Variants in PRKN observed in about 807,000 individuals in gnomAD.
PRKN encodes the protein E3 ubiquitin-protein ligase parkin.
PRKN carries 56 observed loss-of-function variants against 59.5 expected under a neutral mutation model. That is an observed-to-expected ratio of 0.94 (90% CI 0.76 to 1.18). PRKN has a LOEUF of 1.18. PRKN is among the 50% of genes most tolerant of loss of function. The pLI, the probability that PRKN is intolerant of heterozygous loss-of-function variation, is 0.00. For missense variants in PRKN, 657 were observed against 596.4 expected, an observed-to-expected ratio of 1.10 and a Z score of -1.06; for synonymous variants, 250 against 222.1, an observed-to-expected ratio of 1.13 and a Z score of -1.12.
At chr6:162,070,764 C>T (rs1778541082) in intron 4 of PRKN, among the ~76,000 whole-genome samples, 1 of 152,152 alleles carries the variant, frequency 6.6e-6, no homozygotes, top group African/African-American at 2.4e-5. Context: ...AGAGTTCTTG[C>T]TCCTAGGAGA....
intron 4 of PRKN, among the ~76,000 whole-genome samples, chr6:162,090,676 A>C (rs1465839327): frequency 6.6e-6 from 1 of 152,252 alleles, no homozygotes; most frequent in African/African-American, 2.4e-5. Flanking sequence ...ATTTTGACTA[A>C]AGAGCCGTGA....
At chr6:162,498,826 GA>G (rs2128187293) in intron 1 of PRKN, among the ~76,000 whole-genome samples, 1 of 140,834 alleles carries the variant, frequency 7.1e-6, no homozygotes, top group South Asian at 2.3e-4. Flanking sequence ...AGGTTTATGA[GA>G]ATTGGACAGT....
chr6:162,297,749 T>C (rs1434814138), intron 2 of PRKN, among the ~76,000 whole-genome samples: 1 of 152,134 alleles, frequency 6.6e-6, no homozygotes, highest in Non-Finnish European at 1.5e-5. Flanking sequence ...ATAAATTTCC[T>C]TGAATCATCT....
At chr6:162,566,917 G>A (rs1358793893) in intron 1 of PRKN, among the ~76,000 whole-genome samples, 2 of 151,902 alleles carry the variant, frequency 1.3e-5, no homozygotes, top group Non-Finnish European at 2.9e-5. Context: ...CATTACATCA[G>A]AAAGTGGGAT....
At chr6:162,568,091 C>G (rs1326995084) in intron 1 of PRKN, among the ~76,000 whole-genome samples, 1 of 152,140 alleles carries the variant, frequency 6.6e-6, no homozygotes, top group Non-Finnish European at 1.5e-5. Context: ...ACTTCTATCT[C>G]TCACCATATA....
intron 2 of PRKN, among the ~76,000 whole-genome samples, chr6:162,292,395 C>T (rs9458499): frequency 0.34 from 51,335 of 151,744 alleles, 9,693 homozygotes; most frequent in African/African-American, 0.49. Flanking sequence ...TTGTCATTAC[C>T]CTTTTGTACC....
rs1043055300 is a variant in PRKN at position 161,582,587 on chromosome 6, T to C, written c.872-13171A>G. Among the ~76,000 whole-genome samples the C allele has an allele frequency of 6.6e-6, 1 of 151,960 alleles. No individual in the cohort carries two copies. The highest frequency in any genetic ancestry group is 1.5e-5 in the Non-Finnish European group (1 of 67,996). On this transcript the variant is annotated intron_variant, in intron 7 of 11. Transcript: ENST00000366898. This position sits in a 1 kb window ranked among gnomAD's most constrained non-coding sequence, Gnocchi z 4.4. ...GACTACAGGCGCCTGCCACCTCGCC[T>C]GGCTAATTGTTTTGTAGTTTTAGTA...
At chr6:162,396,459 G>C (rs1000662546) in intron 2 of PRKN, among the ~76,000 whole-genome samples, 1 of 152,020 alleles carries the variant, frequency 6.6e-6, no homozygotes, top group African/African-American at 2.4e-5. Context: ...TTCCCAGCCA[G>C]AGCATAAGAC....
At chr6:162,714,023 C>T (rs1003231391) in intron 1 of PRKN, among the ~76,000 whole-genome samples, 2 of 152,170 alleles carry the variant, frequency 1.3e-5, no homozygotes, top group African/African-American at 4.8e-5. Flanking sequence ...TTCAGAACAG[C>T]CACCATCAGG....
intron 3 of PRKN, among the ~76,000 whole-genome samples, chr6:162,230,463 A>C (rs950880330): frequency 6.6e-6 from 1 of 152,196 alleles, no homozygotes; most frequent in Non-Finnish European, 1.5e-5. Context: ...GTGAAGAGGA[A>C]GGCACTCAGC....
At chr6:162,412,511 A>G (rs1370024208) in intron 2 of PRKN, among the ~76,000 whole-genome samples, 2 of 152,000 alleles carry the variant, frequency 1.3e-5, no homozygotes, top group African/African-American at 4.8e-5. Context: ...AGGGCTACTT[A>G]ACTAACTTAT....
chr6:161,844,472 C>G (rs1793116903), intron 6 of PRKN, among the ~76,000 whole-genome samples: 1 of 152,192 alleles, frequency 6.6e-6, no homozygotes, highest in Non-Finnish European at 1.5e-5. Context: ...CGGAGCTGGA[C>G]GGTTGGACTT....
chr6:161,676,089 C>T (rs949932742), intron 7 of PRKN, among the ~76,000 whole-genome samples: 2 of 152,184 alleles, frequency 1.3e-5, no homozygotes, highest in African/African-American at 4.8e-5. Context: ...TAAACAATTC[C>T]TGTCCTCTCT....
chr6:162,297,869 T>C (rs1021284306), intron 2 of PRKN, among the ~76,000 whole-genome samples: 1 of 152,136 alleles, frequency 6.6e-6, no homozygotes, highest in Admixed American at 6.5e-5. Flanking sequence ...CTAAAAATCA[T>C]ACTCTCAACA....
At position 161,361,467 on chromosome 6, in the gene PRKN, G is replaced by C. The variant is rs1193544989; in HGVS notation, c.1168-1262C>G. Among the ~76,000 whole-genome samples, 1 of 152,184 alleles carries C rather than the reference G, an allele frequency of 6.6e-6. No individual in the cohort carries two copies. The highest frequency in any genetic ancestry group is 1.5e-5 in the Non-Finnish European group (1 of 68,046). Reference sequence around the variant, plus strand: ...GTGAATGAATGAATGACGCAGCCCAGGAAGGCACTAAACTTTCAGGGGTTA... The same window carrying C: ...GTGAATGAATGAATGACGCAGCCCACGAAGGCACTAAACTTTCAGGGGTTA... On this transcript the variant is annotated intron_variant, in intron 10 of 11. Transcript: ENST00000366898. This position sits in a 1 kb window ranked among gnomAD's most constrained non-coding sequence, Gnocchi z 5.2.
intron 2 of PRKN, among the ~76,000 whole-genome samples, chr6:162,418,021 A>G (rs566357062): frequency 6.8e-4 from 104 of 152,358 alleles, no homozygotes; most frequent in African/African-American, 2.5e-3. Context: ...GCCCAAGAGC[A>G]GTAAAAACAT....
At chr6:162,498,022 A>G (rs1318620773) in intron 1 of PRKN, among the ~76,000 whole-genome samples, 5 of 152,206 alleles carry the variant, frequency 3.3e-5, no homozygotes, top group Non-Finnish European at 5.9e-5. Context: ...GTACCCATAA[A>G]TAAGTACAAT....
At chr6:161,950,602 A>C (rs545530200) in intron 6 of PRKN, among the ~76,000 whole-genome samples, 1 of 152,254 alleles carries the variant, frequency 6.6e-6, no homozygotes, top group East Asian at 1.9e-4. Flanking sequence ...TGGTTACAAA[A>C]CCAAAATACA....
Position 162,563,317 on chromosome 6 carries a change from CAAAA to C in PRKN, c.8-119848_8-119845del, listed in dbSNP as rs55881751. Among the ~76,000 whole-genome samples, 284 of 145,804 alleles carry C rather than the reference CAAAA, an allele frequency of 1.9e-3. 1 individual carries two copies. Among genetic ancestry groups the C allele is most frequent in the East Asian group, 0.011 (53 of 5,000 alleles). On this transcript the variant is annotated intron_variant, in intron 1 of 11. Transcript: ENST00000366898. ...AGACTCCATCTTAAAAAACAAAAAA[CAAAA>C]AAAAAAAAACAAAAAAAGAGAAAGC...
Sources: allele counts gnomAD v4.1 joint callset (sites outside exome capture counted in the v4.1 genomes callset), GRCh38; gene constraint gnomAD v4.1.1; non-coding constraint Gnocchi (gnomAD v3.1); transcripts MANE v1.5; gene names NCBI Gene and HGNC (gene_info 2026-07-23, HGNC 2026-07-21).